The following STAU2 variants were observed in gnomAD, a reference collection of about 807,000 sequenced individuals.
The protein encoded by STAU2 is double-stranded RNA-binding protein Staufen homolog 2.
A neutral mutation model predicts 65.9 loss-of-function variants in STAU2; 20 were observed. The ratio of observed to expected loss-of-function variants is 0.30; its 90% CI spans 0.21 to 0.44. The LOEUF is 0.44. STAU2 is among the 20% of genes least tolerant of loss of function. The pLI, the probability that STAU2 is intolerant of heterozygous loss-of-function variation, is 1.00. For missense variants in STAU2, 558 were observed against 683.9 expected (o/e 0.82, Z 2.05); for synonymous variants, 232 against 233.9 (o/e 0.99, Z 0.07).
chr8:73,608,328 C>T (rs1020165886), intron 9 of STAU2, among the ~76,000 whole-genome samples: 9 of 152,102 alleles, frequency 5.9e-5, no homozygotes, highest in African/African-American at 1.7e-4. Context: ...GGTGACAAGG[C>T]CAAGCACAGT....
intron 11 of STAU2, chr8:73,590,430 C>A (rs932310694): frequency 6.6e-6 from 1 of 152,074 alleles, no homozygotes; most frequent in Non-Finnish European, 1.5e-5. Context: ...GGAGCAAGAT[C>A]TTTAAAGTAC....
intron 5 of STAU2, among the ~76,000 whole-genome samples, chr8:73,678,818 C>T (rs115507069): frequency 0.011 from 1,637 of 152,108 alleles, 28 homozygotes; most frequent in African/African-American, 0.037. Flanking sequence ...CTTATTTAAG[C>T]TTAATAAATA....
chr8:73,422,794 T>A (rs936804055), intron 13 of STAU2, 92 bp from the exon 14 acceptor site: 13 of 630,396 alleles, frequency 2.1e-5, no homozygotes, highest in South Asian at 3.0e-5. Flanking sequence ...AGACTCATTT[T>A]CATTAGTCTA....
chr8:73,613,990 T>C, intron 8 of STAU2, 34 bp from the exon 9 acceptor site: 1 of 1,497,808 alleles, frequency 6.7e-7, no homozygotes, highest in Non-Finnish European at 9.0e-7. Flanking sequence ...AAATAATGGA[T>C]AGGCACTTGA....
intron 12 of STAU2, among the ~76,000 whole-genome samples, chr8:73,564,282 A>G (rs1227320041): frequency 2.0e-5 from 3 of 152,224 alleles, no homozygotes; most frequent in Non-Finnish European, 4.4e-5. Flanking sequence ...TGTGGTACAC[A>G]TACAGCATGG....
chr8:73,642,501 G>A (rs1484773745), intron 6 of STAU2, among the ~76,000 whole-genome samples: 2 of 151,026 alleles, frequency 1.3e-5, no homozygotes, highest in Admixed American at 6.6e-5. Context: ...CCAGCGTGGC[G>A]ACAGAGCAAG....
rs1224139401 is a variant in STAU2 at position 73,422,690 on chromosome 8, C to T, written c.1543G>A (p.Ala515Thr). ...RIQGFQAALS[A>T]LKQFSEQGLD... ...CCTTGTTCAGAAAATTGTTTCAAGG[C>T]ACTTAAGGCTGCCTAAAAATGAAAA... The change falls in exon 14 of 15, where the codon GCC becomes ACC. Residue 515 changes from alanine (A) to threonine (T), a missense_variant. Around this residue, in one of 3 missense-constraint regions of STAU2, gnomAD observed 247 missense variants for 270.1 expected, o/e 0.91. Coordinates refer to ENST00000524300, the MANE Select transcript of STAU2 (RefSeq NM_001164380.2). 6.7e-7 allele frequency: 1 copy of T among 1,490,706 alleles called. No individual in the cohort carries two copies. Among genetic ancestry groups the T allele is most frequent in the Non-Finnish European group, 8.9e-7 (1 of 1,128,210 alleles). 92.3% of individuals were successfully genotyped at this position (1,490,706 alleles called of 1,614,324 possible).
chr8:73,566,734 G>A (rs1258865602), intron 12 of STAU2, among the ~76,000 whole-genome samples: 2 of 152,144 alleles, frequency 1.3e-5, no homozygotes, highest in Non-Finnish European at 2.9e-5. Flanking sequence ...TTTCCTGTAT[G>A]TAAAACATGT....
At chr8:73,576,585 T>C (rs1183825270) in intron 12 of STAU2, among the ~76,000 whole-genome samples, 1 of 152,134 alleles carries the variant, frequency 6.6e-6, no homozygotes, top group Non-Finnish European at 1.5e-5. Context: ...GGTAAATATA[T>C]TGGTAATGTC....
At chr8:73,712,563 AAC>A (rs1007277312) in intron 3 of STAU2, among the ~76,000 whole-genome samples, 46 of 152,346 alleles carry the variant, frequency 3.0e-4, no homozygotes, top group Middle Eastern at 3.4e-3. Context: ...CAAATATTAA[AAC>A]AGTGACATAA....
At chr8:73,566,555 A>C (rs1299052405) in intron 12 of STAU2, among the ~76,000 whole-genome samples, 1 of 152,224 alleles carries the variant, frequency 6.6e-6, no homozygotes, top group Non-Finnish European at 1.5e-5. Context: ...TCTTAAAAAC[A>C]CTATTCTCTT....
intron 13 of STAU2, among the ~76,000 whole-genome samples, chr8:73,442,189 C>A (rs1190644714): frequency 6.6e-6 from 1 of 151,818 alleles, no homozygotes; most frequent in African/African-American, 2.4e-5. Flanking sequence ...CCCTTCTCTA[C>A]TAAAAATACA....
At chr8:73,467,998 T>A (rs796555924) in intron 13 of STAU2, among the ~76,000 whole-genome samples, 56 of 152,280 alleles carry the variant, frequency 3.7e-4, no homozygotes, top group African/African-American at 1.3e-3. Flanking sequence ...CATTGCCAAG[T>A]CAATCCTAAG....
chr8:73,673,529 G>A (rs545849219), intron 5 of STAU2, among the ~76,000 whole-genome samples: 18 of 152,110 alleles, frequency 1.2e-4, no homozygotes, highest in Middle Eastern at 3.4e-3. Flanking sequence ...ATTGCTAACC[G>A]TGAATATTAT....
chr8:73,525,569 G>C (rs1264251812), intron 13 of STAU2, among the ~76,000 whole-genome samples: 6 of 152,176 alleles, frequency 3.9e-5, no homozygotes, highest in Admixed American at 6.5e-5. Flanking sequence ...CCCAAGAGGT[G>C]AAGAAACAAG....
At chr8:73,619,039 A>G (rs1018051024) in intron 6 of STAU2, among the ~76,000 whole-genome samples, 2 of 150,608 alleles carry the variant, frequency 1.3e-5, no homozygotes, top group Admixed American at 1.3e-4. Context: ...GTAGATGTCA[A>G]CTGGACAACT....
chr8:73,747,475 C>G, upstream of STAU2: 2 of 1,533,836 alleles, frequency 1.3e-6, no homozygotes, highest in Non-Finnish European at 1.7e-6. Flanking sequence ...GTGCAACGCA[C>G]GGTTTAGCGG....
rs746871500 is a variant in STAU2, at chr8:73,617,428, A to G, written c.434T>C (p.Ile145Thr). The change falls in exon 7 of 15, where the codon ATC becomes ACC. Residue 145 changes from isoleucine to threonine, a missense_variant. By Grantham distance (89) the Ile-to-Thr change is moderately conservative. This residue lies in a region of STAU2 where 199 missense variants were observed against 299.5 expected (regional missense o/e 0.66). Transcript: ENST00000524300. ...TCCTACAGTGAGCTGAACATAAAAG[A>G]TCTTAGGCACTGGGCAATGATACCT... Reference protein sequence around the residue: ...NQRYHCPVPKIFYVQLTVGNN... With the variant: ...NQRYHCPVPKTFYVQLTVGNN... The G allele has an allele frequency of 6.2e-7, 1 of 1,614,016 alleles. No homozygotes were observed. The highest frequency in any genetic ancestry group is 1.7e-5 in the Admixed American group (1 of 60,002).
chr8:73,478,305 T>TAAAAAAAAAAAA (rs10660977), intron 13 of STAU2, among the ~76,000 whole-genome samples: 1 of 77,508 alleles, frequency 1.3e-5, no homozygotes, highest in Non-Finnish European at 2.6e-5. Flanking sequence ...ACTGATGAGC[T>TAAAAAAAAAAAA]AAAAAAAAAA....
Sources: gnomAD v4.1 joint callset for allele counts (sites outside exome capture counted in the v4.1 genomes callset) on GRCh38, gnomAD v4.1.1 for gene constraint, gnomAD v4.1.1 regional missense constraint, MANE v1.5 for transcripts, NCBI Gene and HGNC (gene_info 2026-07-23, HGNC 2026-07-21) for gene names.